CDYL: variants seen among roughly 807,000 people sequenced by gnomAD.
CDYL encodes chromodomain Y-like protein.
CDYL carries 8 observed loss-of-function variants against 47.3 expected under a neutral mutation model. The ratio of observed to expected loss-of-function variants is 0.17; its 90% CI spans 0.10 to 0.31. The LOEUF is 0.31. CDYL is among the 10% of genes least tolerant of loss of function. The probability of loss-of-function intolerance (pLI) is 1.00; values close to 1 mark genes in which losing one functional copy is unlikely to be tolerated. For synonymous variants in CDYL, 266 were observed against 265.0 expected (o/e 1.00, Z -0.04); for missense variants, 471 against 701.4 (o/e 0.67, Z 3.71).
chr6:4,807,438 T>C (rs111924679), intron 1 of CDYL, among the ~76,000 whole-genome samples: 3,611 of 152,242 alleles, frequency 0.024, 154 homozygotes, highest in African/African-American at 0.083. Context: ...CTTGAACTTT[T>C]ACCCATCTTT....
intron 3 of CDYL, among the ~76,000 whole-genome samples, chr6:4,735,562 G>A (rs1038124488): frequency 1.3e-5 from 2 of 151,794 alleles, no homozygotes; most frequent in South Asian, 2.1e-4. Context: ...AAAGGAGTTC[G>A]AGACCAGCCT....
chr6:4,718,108 ATT>A (rs993604019), intron 2 of CDYL, among the ~76,000 whole-genome samples: 6 of 152,236 alleles, frequency 3.9e-5, no homozygotes, highest in African/African-American at 1.4e-4. Flanking sequence ...AAGTGCTGGG[ATT>A]ATAGGTGTGA....
intron 2 of CDYL, among the ~76,000 whole-genome samples, chr6:4,914,913 G>A (rs573932505): frequency 6.6e-6 from 1 of 152,314 alleles, no homozygotes; most frequent in African/African-American, 2.4e-5. Flanking sequence ...GGGATGAGTC[G>A]GTGCAAGTGG....
intron 2 of CDYL, among the ~76,000 whole-genome samples, chr6:4,893,783 A>G (rs913683451): frequency 2.0e-5 from 3 of 152,162 alleles, no homozygotes; most frequent in Non-Finnish European, 4.4e-5. Flanking sequence ...ACAAAATACA[A>G]TGGTGTTGGT....
At chr6:4,900,826 T>C (rs1369459981) in intron 2 of CDYL, among the ~76,000 whole-genome samples, 10 of 96,932 alleles carry the variant, frequency 1.0e-4, no homozygotes, top group African/African-American at 3.4e-4. Flanking sequence ...TATATATATA[T>C]ATATCTTGCC....
In CDYL at chr6:4,877,376, A is replaced by G. The variant is rs922032658; in HGVS notation, c.25-14337A>G. Reference sequence around the variant, plus strand: ...AATCAATTTTCTTTCTTTCCTGGTTATTGCTTTTTTGTGACCTGAGGAACT... The same window carrying G: ...AATCAATTTTCTTTCTTTCCTGGTTGTTGCTTTTTTGTGACCTGAGGAACT... On this transcript the variant is annotated intron_variant, in intron 1 of 6. Coordinates refer to ENST00000397588, the MANE Select transcript of CDYL (RefSeq NM_004824.4). Among the ~76,000 whole-genome samples the G allele has an allele frequency of 5.6e-4, 85 of 151,832 alleles. 4 individuals carry two copies. The highest frequency in any genetic ancestry group is 1.5e-5 in the Non-Finnish European group (1 of 67,950).
intron 3 of CDYL, 136 bp from the exon 4 acceptor site, chr6:4,937,429 G>C (rs937573241): frequency 1.9e-5 from 11 of 583,158 alleles, no homozygotes; most frequent in Non-Finnish European, 3.0e-5. Context: ...CCAGGAGTTA[G>C]AGAGCACAGT....
intron 2 of CDYL, among the ~76,000 whole-genome samples, chr6:4,718,351 T>TC (rs1757308655): frequency 6.6e-6 from 1 of 152,170 alleles, no homozygotes; most frequent in Non-Finnish European, 1.5e-5. Flanking sequence ...CGATCTCAGC[T>TC]CACTGCAACC....
At chr6:4,911,164 C>T (rs1026062067) in intron 2 of CDYL, among the ~76,000 whole-genome samples, 3 of 152,198 alleles carry the variant, frequency 2.0e-5, no homozygotes, top group African/African-American at 7.2e-5. Flanking sequence ...TTTGGAAATA[C>T]AGGGATATAG....
chr6:4,845,014 A>G (rs1288256207), intron 1 of CDYL, among the ~76,000 whole-genome samples: 3 of 152,230 alleles, frequency 2.0e-5, no homozygotes, highest in African/African-American at 7.2e-5. Context: ...TAGAAGGGCC[A>G]TGAAATTATT....
intron 2 of CDYL, chr6:4,718,730 G>C (rs1757315291): frequency 6.6e-6 from 1 of 151,946 alleles, no homozygotes; most frequent in Non-Finnish European, 1.5e-5. Context: ...TCTTTTATTT[G>C]CATTTTTTTA....
intron 2 of CDYL, among the ~76,000 whole-genome samples, chr6:4,720,602 T>C (rs1426777400): frequency 6.6e-6 from 1 of 152,178 alleles, no homozygotes; most frequent in Admixed American, 6.5e-5. Context: ...GTTATTAAAT[T>C]CTAACTTAAC....
At chr6:4,923,760 G>T (rs1757784771) in intron 2 of CDYL, among the ~76,000 whole-genome samples, 1 of 152,188 alleles carries the variant, frequency 6.6e-6, no homozygotes, top group Admixed American at 6.5e-5. Flanking sequence ...AATTAGCCAG[G>T]CATGGTGGCG....
chr6:4,937,633 C>T lies in CDYL; in HGVS notation c.1017C>T (p.Ser339=), dbSNP rs1438693014. ...AADDSKLVLL[S]AVGSVFCCGL... The stretch of plus-strand genomic sequence containing the variant: ...ATGACAGCAAGCTGGTACTGCTCAG[C>T]GCCGTTGGCAGCGTCTTCTGTTGTG... The change falls in exon 4 of 7, where the codon AGC becomes AGT. Residue 339 remains serine (S), a synonymous_variant. Transcript: ENST00000397588. The T allele has an allele frequency of 3.7e-6, 6 of 1,613,450 alleles. No homozygotes were observed. The African/African-American group carries it at 5.3e-5, about 14-fold the overall frequency.
intron 1 of CDYL, among the ~76,000 whole-genome samples, chr6:4,819,162 C>CTGTGTGTGTGTGTGTGTG (rs374323088): frequency 1.8e-5 from 2 of 111,944 alleles, no homozygotes; most frequent in Middle Eastern, 3.7e-3. Flanking sequence ...CTCTCTCTCT[C>CTGTGTGTGTGTGTGTGTG]TGTGTGTGTG....
chr6:4,799,931 CT>C (rs1759178499), intron 1 of CDYL, among the ~76,000 whole-genome samples: 1 of 152,006 alleles, frequency 6.6e-6, no homozygotes, highest in Non-Finnish European at 1.5e-5. Flanking sequence ...TATGAAACGT[CT>C]TTTTTGTTTC....
At chr6:4,924,508 T>G (rs964762027) in intron 2 of CDYL, among the ~76,000 whole-genome samples, 2 of 152,250 alleles carry the variant, frequency 1.3e-5, no homozygotes, top group African/African-American at 4.8e-5. Flanking sequence ...GGTTTTTCTT[T>G]TGCTTTTAAA....
At chr6:4,829,712 C>G (rs1581195481) in intron 1 of CDYL, among the ~76,000 whole-genome samples, 2 of 152,086 alleles carry the variant, frequency 1.3e-5, no homozygotes, top group African/African-American at 2.4e-5. Context: ...AACAATCTCC[C>G]CCATTTTTCT....
At chr6:4,734,635 A>T in intron 2 of CDYL, 1 of 1,286,930 alleles carries the variant, frequency 7.8e-7, no homozygotes, top group Non-Finnish European at 1.1e-6. Context: ...ATGTTCAGTT[A>T]GACTCCTAAT....
Sources: allele counts gnomAD v4.1 joint callset (sites outside exome capture counted in the v4.1 genomes callset), GRCh38; gene constraint gnomAD v4.1.1; transcripts MANE v1.5; gene names NCBI Gene and HGNC (gene_info 2026-07-23, HGNC 2026-07-21).